The following SUDS3 variants were observed in gnomAD, a reference collection of about 807,000 sequenced individuals.
SUDS3 encodes the protein sin3 histone deacetylase corepressor complex component SDS3.
In SUDS3, 23 loss-of-function variants were observed where a neutral mutation model predicts 53.5. The observed-to-expected ratio is 0.43, with a 90% CI of 0.31 to 0.61. SUDS3 has a LOEUF of 0.61. Ranked by LOEUF, SUDS3 falls within the 20% of genes least tolerant of loss-of-function variation. SUDS3 has a pLI of 0.10. For synonymous variants in SUDS3, 150 were observed against 148.5 expected, an observed-to-expected ratio of 1.01 and a Z score of -0.08; for missense variants, 291 against 405.9, an observed-to-expected ratio of 0.72 and a Z score of 2.43.
Position 118,414,504 on chromosome 12 carries a change from C to CT in SUDS3, c.*73dup, listed in dbSNP as rs1331437806. The CT allele has an allele frequency of 1.6e-6, 2 of 1,245,128 alleles. No homozygotes were observed. The highest frequency in any genetic ancestry group is 3.1e-5 in the African/African-American group (2 of 64,960). The allele number at this position is 1,245,128 out of a possible 1,614,324, so 77.1% of individuals were successfully genotyped here. ...TATTTTTGTTTTGTTTCGTTTTCTCCTTAATAGAAAAATGTTAACTTACTG... is the reference window on the plus strand; with the variant it reads ...TATTTTTGTTTTGTTTCGTTTTCTCCTTTAATAGAAAAATGTTAACTTACTG... On this transcript the variant is annotated 3_prime_UTR_variant, in exon 12 of 12. Coordinates refer to ENST00000543473, the MANE Select transcript of SUDS3 (RefSeq NM_022491.3).
chr12:118,392,788 C>T (rs2046179429), intron 6 of SUDS3, among the ~76,000 whole-genome samples: 1 of 152,192 alleles, frequency 6.6e-6, no homozygotes, highest in African/African-American at 2.4e-5. Context: ...TATCCGTTTA[C>T]AGCTGCTCCC....
intron 9 of SUDS3, chr12:118,402,212 AT>A: frequency 7.2e-6 from 4 of 552,900 alleles, no homozygotes; most frequent in East Asian, 2.9e-5. Flanking sequence ...TGTTGTTTTT[AT>A]TTTTTTCTTA....
At chr12:118,408,351 T>G (rs1227790161) in intron 10 of SUDS3, among the ~76,000 whole-genome samples, 1 of 150,906 alleles carries the variant, frequency 6.6e-6, no homozygotes, top group Non-Finnish European at 1.5e-5. Context: ...TTTTTTTTTT[T>G]GAGACAGAGT....
In SUDS3 at chr12:118,381,072, T is replaced by C. The variant is rs757889465; in HGVS notation, c.212+841T>C. ...GAGGGTAATTGTTGTCTTGAAGCAA[T>C]TGGGTTCTCAGGTGAGTGTAAACTC... On this transcript the variant is annotated intron_variant, in intron 2 of 11. Transcript: ENST00000543473. Among the ~76,000 whole-genome samples, 6 of 152,148 alleles carry C rather than the reference T, an allele frequency of 3.9e-5. No individual in the cohort carries two copies. In the East Asian group the frequency reaches 7.7e-4, roughly 20 times the overall value.
At chr12:118,401,667 C>A in intron 7 of SUDS3, 92 bp from the exon 8 acceptor site, 1 of 1,085,180 alleles carries the variant, frequency 9.2e-7, no homozygotes, top group Non-Finnish European at 1.4e-6. Flanking sequence ...CAAAATCATA[C>A]TTTGTAAATT....
At chr12:118,383,914 C>T in intron 2 of SUDS3, 98 bp from the exon 3 acceptor site, 2 of 1,098,840 alleles carry the variant, frequency 1.8e-6, no homozygotes, top group Non-Finnish European at 1.3e-6. Flanking sequence ...ACATTAATGA[C>T]CTTCCCATAA....
At chr12:118,382,116 T>C (rs1002754577) in intron 2 of SUDS3, among the ~76,000 whole-genome samples, 13 of 152,050 alleles carry the variant, frequency 8.5e-5, no homozygotes, top group Non-Finnish European at 1.8e-4. Context: ...CTCGTCTCAC[T>C]GCAACCTCCA....
chr12:118,378,094 T>A (rs938727971), intron 1 of SUDS3, among the ~76,000 whole-genome samples: 14 of 152,178 alleles, frequency 9.2e-5, no homozygotes, highest in African/African-American at 2.7e-4. Flanking sequence ...GGGGGCGCTG[T>A]GGAGCCAAAA....
At position 118,415,224 on chromosome 12, in the gene SUDS3, C is replaced by T. The variant is rs1393833254; in HGVS notation, c.*791C>T. 1 of 152,168 alleles carries T rather than the reference C, an allele frequency of 6.6e-6. No individual in the cohort carries two copies. The highest frequency in any genetic ancestry group is 1.5e-5 in the Non-Finnish European group (1 of 68,040). The allele number at this position is 152,168 out of a possible 1,614,324, so 9.4% of individuals were successfully genotyped here. A position where few individuals can be genotyped will look rare whatever the true frequency, so the allele number is the denominator to read the frequency against. ...AGAAGTTTTCATTTGTAATTCCTTC[C>T]TCTCCCTTGTTCCCAAGTAGGTAGT... is the stretch of plus-strand genomic sequence containing the variant. On this transcript the variant is annotated 3_prime_UTR_variant, in exon 12 of 12. Transcript: ENST00000543473.
chr12:118,396,165 C>T (rs1023043842), intron 6 of SUDS3, among the ~76,000 whole-genome samples: 8 of 152,142 alleles, frequency 5.3e-5, no homozygotes, highest in African/African-American at 1.9e-4. Flanking sequence ...GAGGTAATTG[C>T]CAATCTGCTA....
chr12:118,377,393 T>C (rs2046009238), intron 1 of SUDS3, among the ~76,000 whole-genome samples: 1 of 152,168 alleles, frequency 6.6e-6, no homozygotes, highest in Non-Finnish European at 1.5e-5. Flanking sequence ...CCAACTGTAA[T>C]GGAGCTGTTT....
At position 118,415,749 on chromosome 12, in the gene SUDS3, T is replaced by G. The variant is rs576601451; in HGVS notation, c.*1316T>G. 1.3e-4 allele frequency: 20 copies of G among 152,124 alleles called. No homozygotes were observed. The highest frequency in any genetic ancestry group is 4.8e-4 in the African/African-American group (20 of 41,542). The allele number at this position is 152,124 out of a possible 1,614,324, so 9.4% of individuals were successfully genotyped here. A position where few individuals can be genotyped will look rare whatever the true frequency, so the allele number is the denominator to read the frequency against. ...TTTTGGTCTCAAGTGATTCTCTTCA[T>G]GTTGTCTCTTGATGTACATACCCCC... On this transcript the variant is annotated 3_prime_UTR_variant, in exon 12 of 12. Coordinates refer to ENST00000543473, the MANE Select transcript of SUDS3 (RefSeq NM_022491.3).
At chr12:118,393,622 T>G (rs939401242) in intron 6 of SUDS3, among the ~76,000 whole-genome samples, 1 of 152,084 alleles carries the variant, frequency 6.6e-6, no homozygotes, top group African/African-American at 2.4e-5. Flanking sequence ...TTTCAGGGGC[T>G]TTGGAGTGGA....
At position 118,409,629 on chromosome 12, in the gene SUDS3, A is replaced by G. The variant is rs565882546; in HGVS notation, c.804-1444A>G. On this transcript the variant is annotated intron_variant, in intron 10 of 11. Coordinates refer to ENST00000543473, the MANE Select transcript of SUDS3 (RefSeq NM_022491.3). ...ATAGGTTATTTCCTTATACCAGCAA[A>G]ACAGAATAAGCCATCATGCTTTGCT... Among the ~76,000 whole-genome samples, 7 of 152,352 alleles carry G rather than the reference A, an allele frequency of 4.6e-5. No homozygotes were observed. In the East Asian group the frequency reaches 1.3e-3, roughly 29 times the overall value.
At chr12:118,411,224 C>G (rs916478431) in intron 11 of SUDS3, 67 bp downstream of exon 11, 21 of 1,439,394 alleles carry the variant, frequency 1.5e-5, no homozygotes, top group Middle Eastern at 3.5e-4. Context: ...GTAGGGCAAA[C>G]CTGAAATGAA....
intron 6 of SUDS3, among the ~76,000 whole-genome samples, chr12:118,400,398 G>T (rs1223635212): frequency 2.0e-5 from 3 of 152,150 alleles, no homozygotes; most frequent in African/African-American, 7.2e-5. Flanking sequence ...CTGGAGAGAT[G>T]CCCACAGTGG....
intron 1 of SUDS3, 46 bp from the exon 2 acceptor site, chr12:118,380,116 C>T (rs746360515): frequency 1.6e-5 from 25 of 1,516,766 alleles, no homozygotes; most frequent in Admixed American, 7.5e-5. Flanking sequence ...ACGCCAACTC[C>T]GTGAATTATG....
chr12:118,383,690 G>A (rs1015337925), intron 2 of SUDS3, among the ~76,000 whole-genome samples: 21 of 152,230 alleles, frequency 1.4e-4, no homozygotes, highest in African/African-American at 5.1e-4. Flanking sequence ...TACATTGTGT[G>A]TGTGCTTGCC....
In SUDS3 at chr12:118,385,980, A is replaced by G. The variant is rs1474541435; in HGVS notation, c.269-134A>G. 4 of 735,998 alleles carry G rather than the reference A, an allele frequency of 5.4e-6. No homozygotes were observed. In the East Asian group the frequency reaches 1.1e-4, roughly 20 times the overall value. 45.6% of individuals were successfully genotyped at this position (735,998 alleles called of 1,614,324 possible). A position where few individuals can be genotyped will look rare whatever the true frequency, so the allele number is the denominator to read the frequency against. ...TGTGCCTTGGTTAAGAACCAGAGTT[A>G]ACTTTGCTGAGGTGTGTCTTCCTTT... On this transcript the variant is annotated intron_variant, in intron 3 of 11. Coordinates refer to ENST00000543473, the MANE Select transcript of SUDS3 (RefSeq NM_022491.3).
Sources: gnomAD v4.1 joint callset for allele counts (sites outside exome capture counted in the v4.1 genomes callset) on GRCh38, gnomAD v4.1.1 for gene constraint, MANE v1.5 for transcripts, NCBI Gene and HGNC (gene_info 2026-07-23, HGNC 2026-07-21) for gene names.